The following ZNF560 variants were observed in gnomAD, a reference collection of about 807,000 sequenced individuals.
The protein encoded by ZNF560 is zinc finger protein 560.
In ZNF560, 54 loss-of-function variants were observed where a neutral mutation model predicts 81.8. The ratio of observed to expected loss-of-function variants is 0.66; its 90% confidence interval spans 0.53 to 0.83. ZNF560 has a LOEUF of 0.83. Among genes scored for constraint, ZNF560 ranks in the 40% least tolerant of loss-of-function variants. ZNF560 has a pLI of 0.00. For missense variants in ZNF560, 940 were observed against 932.4 expected, an observed-to-expected ratio of 1.01 and a Z score of -0.11; for synonymous variants, 321 against 317.9, an observed-to-expected ratio of 1.01 and a Z score of -0.10.
At chr19:9,460,794 G>GA in the ZNF560 span, among the ~76,000 whole-genome samples, 22 of 152,298 alleles carry the variant, frequency 1.4e-4, no homozygotes, top group Non-Finnish European at 2.8e-4. Flanking sequence ...GACCCGGTCA[G>GA]AAAAAATGAA....
chr19:9,475,747 C>T (rs543459512), intron 2 of ZNF560, among the ~76,000 whole-genome samples: 2 of 152,048 alleles, frequency 1.3e-5, no homozygotes, highest in South Asian at 4.1e-4. Flanking sequence ...GCTGGGACTA[C>T]AGGCACCTGC....
At chr19:9,481,555 A>T (rs994402043) in intron 2 of ZNF560, among the ~76,000 whole-genome samples, 1 of 152,192 alleles carries the variant, frequency 6.6e-6, no homozygotes, top group African/African-American at 2.4e-5. Context: ...GAATCTACAA[A>T]GAACTTAAAC....
At chr19:9,461,143 C>T in the ZNF560 span, among the ~76,000 whole-genome samples, 1 of 150,642 alleles carries the variant, frequency 6.6e-6, no homozygotes, top group Admixed American at 6.6e-5. Flanking sequence ...ATATACTATG[C>T]CATCACAATA....
the ZNF560 span, among the ~76,000 whole-genome samples, chr19:9,459,555 C>G: frequency 6.6e-6 from 1 of 152,212 alleles, no homozygotes; most frequent in South Asian, 2.1e-4. Context: ...AGGAATGAGA[C>G]AAGTTAAGAG....
chr19:9,473,472 G>T (rs572548836), intron 4 of ZNF560, among the ~76,000 whole-genome samples: 1 of 152,204 alleles, frequency 6.6e-6, no homozygotes, highest in East Asian at 1.9e-4. Context: ...CAGCTACTTG[G>T]GGGGCTGAGA....
At chr19:9,470,298 T>C in intron 7 of ZNF560, 94 bp downstream of exon 7, 1 of 1,499,524 alleles carries the variant, frequency 6.7e-7, no homozygotes, top group Non-Finnish European at 9.0e-7. Context: ...TATCCCACTG[T>C]ATTCAGATTT....
At chr19:9,494,504 G>A (rs1423267066) in intron 2 of ZNF560, among the ~76,000 whole-genome samples, 7 of 152,206 alleles carry the variant, frequency 4.6e-5, no homozygotes, top group Non-Finnish European at 7.3e-5. Context: ...GGAGGCCAAC[G>A]TGGGTGGATC....
chr19:9,469,689 C>CT lies in ZNF560; in HGVS notation c.469dup (p.Ser157LysfsTer37). On this transcript the variant is annotated frameshift_variant, in exon 8 of 10. Transcript: ENST00000301480. LOFTEE classifies it high-confidence loss of function. ...CTCTTCCTCCAGCCAAGAGATCAGACTGGGTTTGAAGAGCTGGTAACCTGT... is the reference window on the plus strand; with the variant it reads ...CTCTTCCTCCAGCCAAGAGATCAGACTTGGGTTTGAAGAGCTGGTAACCTGT... 6.2e-7 allele frequency: 1 copy of CT among 1,614,176 alleles called. No homozygotes were observed. The highest frequency in any genetic ancestry group is 8.5e-7 in the Non-Finnish European group (1 of 1,180,038).
At chr19:9,494,851 G>A (rs1337872463) in intron 2 of ZNF560, among the ~76,000 whole-genome samples, 1 of 152,152 alleles carries the variant, frequency 6.6e-6, no homozygotes, top group East Asian at 1.9e-4. Context: ...AGGTTGTGGT[G>A]AGCCAAGGTC....
At chr19:9,501,494 G>A (rs1237159014), upstream of ZNF560, among the ~76,000 whole-genome samples, 2 of 151,554 alleles carry the variant, frequency 1.3e-5, no homozygotes, top group Non-Finnish European at 2.9e-5. Context: ...AAGTAGCTGG[G>A]ACTACAGGTG....
the ZNF560 span, among the ~76,000 whole-genome samples, chr19:9,459,317 G>A: frequency 6.6e-6 from 1 of 152,226 alleles, no homozygotes; most frequent in African/African-American, 2.4e-5. Flanking sequence ...ATTTACAGAA[G>A]ACAGCTGCAA....
chr19:9,479,426 C>T (rs2073251303), intron 2 of ZNF560, among the ~76,000 whole-genome samples: 1 of 151,868 alleles, frequency 6.6e-6, no homozygotes, highest in South Asian at 2.1e-4. Flanking sequence ...CAGATAGAAA[C>T]CAAAAGACAG....
upstream of ZNF560, chr19:9,498,689 A>C (rs2073602402): frequency 6.6e-6 from 1 of 152,276 alleles, no homozygotes; most frequent in Non-Finnish European, 1.5e-5. Flanking sequence ...GTTGGACAGG[A>C]TGGAACTCTT....
chr19:9,460,516 T>C, the ZNF560 span, among the ~76,000 whole-genome samples: 1 of 152,186 alleles, frequency 6.6e-6, no homozygotes, highest in Non-Finnish European at 1.5e-5. Context: ...CTTGGATGCC[T>C]GGTCCTACAG....
At chr19:9,475,219 A>C in intron 3 of ZNF560, 65 bp downstream of exon 3, 1 of 1,558,474 alleles carries the variant, frequency 6.4e-7, no homozygotes. Flanking sequence ...ATCTGCCTAG[A>C]AGGAAATGTG....
the ZNF560 span, among the ~76,000 whole-genome samples, chr19:9,459,183 T>C: frequency 6.6e-6 from 1 of 152,200 alleles, no homozygotes; most frequent in African/African-American, 2.4e-5. Context: ...AAAACAGCAG[T>C]TGCAAAAACA....
the ZNF560 span, among the ~76,000 whole-genome samples, chr19:9,446,365 T>TACACACACACACACACACACAC: frequency 1.5e-4 from 22 of 145,140 alleles, no homozygotes; most frequent in African/African-American, 5.4e-4. Flanking sequence ...TGCCAAGTCA[T>TACACACACACACACACACACAC]ACACACACAC....
chr19:9,452,522 T>A, the ZNF560 span, among the ~76,000 whole-genome samples: 1 of 152,104 alleles, frequency 6.6e-6, no homozygotes, highest in Non-Finnish European at 1.5e-5. Context: ...AACAGTGGAA[T>A]GGATAAAGAA....
rs1417552655 is a variant in ZNF560 at position 9,481,977 on chromosome 19, A to G, written c.-56-6608T>C. On this transcript the variant is annotated intron_variant, in intron 2 of 9. Coordinates refer to ENST00000301480, the MANE Select transcript of ZNF560 (RefSeq NM_152476.3). ...CTACTATAAAGACACATGCACATGTATGTTTATTGCGGCACTATTCACAAT... is the reference window on the plus strand; with the variant it reads ...CTACTATAAAGACACATGCACATGTGTGTTTATTGCGGCACTATTCACAAT... Among the ~76,000 whole-genome samples, 3 of 152,262 alleles carry G rather than the reference A, an allele frequency of 2.0e-5. No homozygotes were observed. In the East Asian group the frequency reaches 5.8e-4, roughly 29 times the overall value.
Sources: allele counts gnomAD v4.1 joint callset (sites outside exome capture counted in the v4.1 genomes callset), GRCh38; gene constraint gnomAD v4.1.1; transcripts MANE v1.5; gene names NCBI Gene and HGNC (gene_info 2026-07-23, HGNC 2026-07-21).